Variants in CDYL2 observed in about 807,000 individuals in gnomAD.
CDYL2 encodes chromodomain Y-like protein 2.
A neutral mutation model predicts 49.4 loss-of-function variants in CDYL2; 23 were observed. The observed-to-expected ratio is 0.47, with a 90% confidence interval of 0.34 to 0.66. The LOEUF (loss-of-function observed/expected upper bound fraction) is 0.66. CDYL2 is among the 30% of genes least tolerant of loss of function. The pLI is 0.01. For synonymous variants in CDYL2, 360 were observed against 268.8 expected, an observed-to-expected ratio of 1.34 and a Z score of -3.32; for missense variants, 678 against 656.4, an observed-to-expected ratio of 1.03 and a Z score of -0.36.
chr16:80,750,740 C>G (rs1906103490), intron 1 of CDYL2, among the ~76,000 whole-genome samples: 1 of 152,158 alleles, frequency 6.6e-6, no homozygotes. Context: ...CTATTTCAGG[C>G]TGGGCGCAGT....
intron 1 of CDYL2, among the ~76,000 whole-genome samples, chr16:80,729,214 T>C (rs1363733491): frequency 6.6e-6 from 1 of 152,164 alleles, no homozygotes; most frequent in Non-Finnish European, 1.5e-5. Context: ...CCATTTCACG[T>C]GCAGAGACAC....
chr16:80,755,860 G>A (rs1402729950), intron 1 of CDYL2, among the ~76,000 whole-genome samples: 1 of 152,138 alleles, frequency 6.6e-6, no homozygotes. Context: ...AGCAGGGGGA[G>A]GTAATACATG....
intron 1 of CDYL2, among the ~76,000 whole-genome samples, chr16:80,789,433 C>G (rs1026973071): frequency 6.6e-6 from 1 of 152,062 alleles, no homozygotes; most frequent in African/African-American, 2.4e-5. Context: ...AACCCCATCT[C>G]TACTAAAAAT....
At chr16:80,632,815 G>C in intron 3 of CDYL2, 1 of 553,356 alleles carries the variant, frequency 1.8e-6, no homozygotes, top group Admixed American at 3.0e-5. Flanking sequence ...CATAAGATGA[G>C]AGGGTATCAT....
chr16:80,652,542 T>C (rs1908628091), intron 2 of CDYL2, among the ~76,000 whole-genome samples: 1 of 152,214 alleles, frequency 6.6e-6, no homozygotes, highest in Admixed American at 6.5e-5. Context: ...CAATGGAGTA[T>C]AACTTCCCAT....
At chr16:80,708,125 G>C (rs1054206423) in intron 1 of CDYL2, among the ~76,000 whole-genome samples, 1 of 152,134 alleles carries the variant, frequency 6.6e-6, no homozygotes, top group Non-Finnish European at 1.5e-5. Context: ...TGGGATGGAA[G>C]GATAGGAGGA....
intron 1 of CDYL2, among the ~76,000 whole-genome samples, chr16:80,740,542 A>C (rs867133671): frequency 2.6e-5 from 4 of 152,230 alleles, no homozygotes; most frequent in Admixed American, 1.3e-4. Flanking sequence ...TAAGGCAGGA[A>C]ATAAAAATGA....
At chr16:80,672,806 C>T (rs1444199126) in intron 2 of CDYL2, among the ~76,000 whole-genome samples, 1 of 152,146 alleles carries the variant, frequency 6.6e-6, no homozygotes, top group East Asian at 1.9e-4. Flanking sequence ...CATCCTTAGC[C>T]CACCAACACC....
chr16:80,674,292 A>G (rs1203792308), intron 2 of CDYL2, among the ~76,000 whole-genome samples: 1 of 152,206 alleles, frequency 6.6e-6, no homozygotes, highest in Non-Finnish European at 1.5e-5. Flanking sequence ...TTTCCAGTGT[A>G]GAAATGGGGG....
At position 80,612,499 on chromosome 16, in the gene CDYL2, T is replaced by G; in HGVS notation, c.1218+127A>C. On this transcript the variant is annotated intron_variant, in intron 5 of 6. Coordinates refer to ENST00000570137, the MANE Select transcript of CDYL2 (RefSeq NM_152342.4). The surrounding 1 kb of genome is among the most constrained non-coding windows in gnomAD (Gnocchi z 5.0). ...TCTGGCACTGAAGGTGTGAAGGACA[T>G]GAGGCAGCCAAGCCAATCTGCAGGC... 2.3e-6 allele frequency: 2 copies of G among 878,182 alleles called. No homozygotes were observed. The highest frequency in any genetic ancestry group is 3.5e-6 in the Non-Finnish European group (2 of 571,632). The allele number at this position is 878,182 out of a possible 1,614,324, so 54.4% of individuals were successfully genotyped here.
At position 80,712,187 on chromosome 16, in the gene CDYL2, G is replaced by GTATATATATATATATATATATA. The variant is rs1464649825; in HGVS notation, c.25-27059_25-27058insTATATATATATATATATATATA. Among the ~76,000 whole-genome samples, 214 of 37,966 alleles carry GTATATATATATATATATATATA rather than the reference G, an allele frequency of 5.6e-3. 8 individuals carry two copies. Among genetic ancestry groups the GTATATATATATATATATATATA allele is most frequent in the South Asian group, 0.015 (18 of 1,168 alleles). The allele number at this position is 37,966 out of a possible 152,430, so 24.9% of individuals were successfully genotyped here. A position where few individuals can be genotyped will look rare whatever the true frequency, so the allele number is the denominator to read the frequency against. On this transcript the variant is annotated intron_variant, in intron 1 of 6. Transcript: ENST00000570137. ...TATATATATGTGTCTTTGTGTCTGT[G>GTATATATATATATATATATATA]TGTGTATATATATATATATATATAT...
At chr16:80,776,392 T>G (rs1471921565) in intron 1 of CDYL2, among the ~76,000 whole-genome samples, 1 of 152,068 alleles carries the variant, frequency 6.6e-6, no homozygotes, top group Non-Finnish European at 1.5e-5. Context: ...TAAGAATTTA[T>G]CTTCAATAAT....
chr16:80,645,994 G>A lies in CDYL2; in HGVS notation c.617-12758C>T, dbSNP rs1908324705. On this transcript the variant is annotated intron_variant, in intron 2 of 6. Coordinates refer to ENST00000570137, the MANE Select transcript of CDYL2 (RefSeq NM_152342.4). ...ACACCGGGGCCTGTCATGGGGTGGG[G>A]GGAGGGGGGAGGGGGGAGGGATGGC... 2.6e-5 allele frequency among the ~76,000 whole-genome samples: 3 copies of A among 114,912 alleles called. No individual in the cohort carries two copies. The South Asian group carries it at 1.2e-3, about 47-fold the overall frequency. 75.4% of individuals were successfully genotyped at this position (114,912 alleles called of 152,430 possible). A position where few individuals can be genotyped will look rare whatever the true frequency, so the allele number is the denominator to read the frequency against.
At chr16:80,719,149 G>C (rs1183868478) in intron 1 of CDYL2, among the ~76,000 whole-genome samples, 1 of 152,148 alleles carries the variant, frequency 6.6e-6, no homozygotes. Flanking sequence ...AAGCCCTAGA[G>C]ATAGAGTGCT....
chr16:80,687,734 A>G (rs1236330038), intron 1 of CDYL2, among the ~76,000 whole-genome samples: 2 of 152,186 alleles, frequency 1.3e-5, no homozygotes, highest in Admixed American at 6.5e-5. Flanking sequence ...ATCCCCTGCT[A>G]TGCCTCTTAT....
intron 2 of CDYL2, among the ~76,000 whole-genome samples, chr16:80,660,805 C>A (rs1162843953): frequency 1.3e-5 from 2 of 152,116 alleles, no homozygotes; most frequent in African/African-American, 4.8e-5. Flanking sequence ...AGAGAAATGC[C>A]AGAAGGATCC....
At chr16:80,734,329 A>G (rs558561362) in intron 1 of CDYL2, among the ~76,000 whole-genome samples, 21 of 152,336 alleles carry the variant, frequency 1.4e-4, no homozygotes, top group Middle Eastern at 6.8e-3. Flanking sequence ...GGTCATAATC[A>G]TCTTTGTGTC....
chr16:80,752,798 G>C (rs1323484938), intron 1 of CDYL2, among the ~76,000 whole-genome samples: 1 of 152,228 alleles, frequency 6.6e-6, no homozygotes, highest in African/African-American at 2.4e-5. Flanking sequence ...TCAGCTGCCA[G>C]TGTGACATCA....
chr16:80,767,740 G>A (rs1414242326), intron 1 of CDYL2, among the ~76,000 whole-genome samples: 1 of 152,180 alleles, frequency 6.6e-6, no homozygotes, highest in Non-Finnish European at 1.5e-5. Flanking sequence ...ATGCCAGCTT[G>A]TGGCAGAGTA....
Sources: gnomAD v4.1 joint callset for allele counts (sites outside exome capture counted in the v4.1 genomes callset) on GRCh38, gnomAD v4.1.1 for gene constraint, Gnocchi (gnomAD v3.1) non-coding constraint, MANE v1.5 for transcripts, NCBI Gene and HGNC (gene_info 2026-07-23, HGNC 2026-07-21) for gene names.